The following MALRD1 variants were observed in gnomAD, a reference collection of about 807,000 sequenced individuals.
The protein encoded by MALRD1 is MAM and LDL receptor class A domain containing 1.
MALRD1 carries 247 observed loss-of-function variants against 242.1 expected under a neutral mutation model. That is an observed-to-expected ratio of 1.02 (90% CI 0.92 to 1.13). The LOEUF (loss-of-function observed/expected upper bound fraction) is 1.13. Among genes scored for constraint, MALRD1 ranks in the 50% most tolerant of loss-of-function variants. The pLI is 0.00. For missense variants in MALRD1, 2,989 were observed against 2,533.1 expected (o/e 1.18, Z -3.86); for synonymous variants, 995 against 866.6 (o/e 1.15, Z -2.60).
chr10:19,148,438 G>A lies in MALRD1; in HGVS notation c.1558+2094G>A, dbSNP rs530925011. Among the ~76,000 whole-genome samples, 3 of 152,052 alleles carry A rather than the reference G, an allele frequency of 2.0e-5. No homozygotes were observed. The South Asian group carries it at 6.3e-4, about 32-fold the overall frequency. ...GATTAAATGAAATAACACCTGTGAA[G>A]GTTTTTCCATGTAGTAAGATCTCCA... is the stretch of plus-strand genomic sequence containing the variant. On this transcript the variant is annotated intron_variant, in intron 11 of 39. Transcript: ENST00000454679.
chr10:19,541,212 A>T (rs1386448885), intron 32 of MALRD1, among the ~76,000 whole-genome samples: 2 of 152,154 alleles, frequency 1.3e-5, no homozygotes, highest in Non-Finnish European at 2.9e-5. Context: ...TTTATGCTGA[A>T]CTTCATGGCC....
intron 26 of MALRD1, among the ~76,000 whole-genome samples, chr10:19,358,392 G>A (rs2131021693): frequency 6.6e-6 from 1 of 152,240 alleles, no homozygotes; most frequent in East Asian, 1.9e-4. Context: ...ATTTAGCAGT[G>A]CTTTAAAACT....
At chr10:19,177,614 A>G (rs1835319051) in intron 14 of MALRD1, among the ~76,000 whole-genome samples, 1 of 152,214 alleles carries the variant, frequency 6.6e-6, no homozygotes, top group African/African-American at 2.4e-5. Context: ...ATGAAGATGC[A>G]AAGTCCCAGG....
intron 29 of MALRD1, among the ~76,000 whole-genome samples, chr10:19,486,114 C>T (rs2131196059): frequency 6.6e-6 from 1 of 151,972 alleles, no homozygotes; most frequent in Non-Finnish European, 1.5e-5. Context: ...TTGTTTTTTT[C>T]TACATTATTA....
intron 33 of MALRD1, among the ~76,000 whole-genome samples, chr10:19,587,190 C>T (rs371528318): frequency 3.3e-5 from 5 of 152,186 alleles, no homozygotes; most frequent in African/African-American, 7.2e-5. Flanking sequence ...CCATCTTCTG[C>T]GTCACTCACG....
chr10:19,060,208 G>A (rs1564366445), intron 1 of MALRD1, among the ~76,000 whole-genome samples: 1 of 152,210 alleles, frequency 6.6e-6, no homozygotes, highest in East Asian at 1.9e-4. Context: ...GATGTTTCTG[G>A]TGTTGAGCCT....
chr10:19,254,030 T>C (rs1839405223), intron 18 of MALRD1, among the ~76,000 whole-genome samples: 2 of 152,052 alleles, frequency 1.3e-5, no homozygotes, highest in Non-Finnish European at 2.9e-5. Flanking sequence ...ACATGTTATC[T>C]TCTCCTTCTG....
intron 28 of MALRD1, among the ~76,000 whole-genome samples, chr10:19,420,704 C>T (rs1481055966): frequency 6.6e-6 from 1 of 151,992 alleles, no homozygotes; most frequent in African/African-American, 2.4e-5. Flanking sequence ...GCTTTGTCTC[C>T]CATGCTGCAA....
chr10:19,449,909 T>C (rs1035530537), intron 28 of MALRD1, among the ~76,000 whole-genome samples: 2 of 152,158 alleles, frequency 1.3e-5, no homozygotes, highest in African/African-American at 4.8e-5. Context: ...TCATTGGCAC[T>C]AGTAAAGTTG....
intron 24 of MALRD1, among the ~76,000 whole-genome samples, chr10:19,340,816 A>G (rs1473077590): frequency 6.6e-6 from 1 of 152,126 alleles, no homozygotes; most frequent in Non-Finnish European, 1.5e-5. Context: ...GCATTGTTAA[A>G]TAATTAAACT....
chr10:19,615,996 A>G (rs1237380177), intron 36 of MALRD1, 73 bp downstream of exon 36: 7 of 1,025,954 alleles, frequency 6.8e-6, no homozygotes, highest in East Asian at 5.2e-5. Context: ...ATAGGCTGAT[A>G]TAATAGAGCA....
chr10:19,606,792 C>T (rs1436092987), intron 34 of MALRD1, among the ~76,000 whole-genome samples: 1 of 152,078 alleles, frequency 6.6e-6, no homozygotes, highest in Non-Finnish European at 1.5e-5. Context: ...ACAGAGGAAC[C>T]ATATTTCACA....
chr10:19,276,621 C>G (rs1236196558), intron 19 of MALRD1, among the ~76,000 whole-genome samples: 21 of 152,130 alleles, frequency 1.4e-4, no homozygotes, highest in Non-Finnish European at 2.9e-5. Flanking sequence ...TCAAGATCTT[C>G]AAAGTCATCA....
chr10:19,709,987 G>A (rs1330369579), intron 38 of MALRD1, among the ~76,000 whole-genome samples: 1 of 152,112 alleles, frequency 6.6e-6, no homozygotes, highest in Admixed American at 6.5e-5. Context: ...TTGGGCAGGT[G>A]CAAAATCAGA....
chr10:19,297,522 T>C (rs1449678781), intron 21 of MALRD1, among the ~76,000 whole-genome samples: 1 of 151,864 alleles, frequency 6.6e-6, no homozygotes, highest in Non-Finnish European at 1.5e-5. Context: ...TTAAGACTTT[T>C]CTTTATATAT....
chr10:19,582,260 C>T (rs557055487), intron 33 of MALRD1, among the ~76,000 whole-genome samples: 25 of 151,990 alleles, frequency 1.6e-4, no homozygotes, highest in African/African-American at 6.0e-4. Flanking sequence ...TCTTTTGTTG[C>T]CATTGCTTTT....
intron 33 of MALRD1, among the ~76,000 whole-genome samples, chr10:19,574,012 T>G (rs1405853119): frequency 2.0e-5 from 3 of 152,192 alleles, no homozygotes; most frequent in Non-Finnish European, 2.9e-5. Flanking sequence ...GCATCCTTTT[T>G]GTCTTGACTT....
intron 10 of MALRD1, among the ~76,000 whole-genome samples, chr10:19,145,221 A>G (rs1444874425): frequency 6.6e-6 from 1 of 152,136 alleles, no homozygotes; most frequent in Non-Finnish European, 1.5e-5. Context: ...TCTCTCATAA[A>G]TTTGGTGTCA....
At chr10:19,653,200 T>G (rs1840974545) in intron 36 of MALRD1, among the ~76,000 whole-genome samples, 1 of 151,286 alleles carries the variant, frequency 6.6e-6, no homozygotes, top group East Asian at 1.9e-4. Flanking sequence ...TATTTTATTA[T>G]TATTATTTTT....
Sources: allele counts gnomAD v4.1 joint callset (sites outside exome capture counted in the v4.1 genomes callset), GRCh38; gene constraint gnomAD v4.1.1; transcripts MANE v1.5; gene names NCBI Gene and HGNC (gene_info 2026-07-23, HGNC 2026-07-21).